The following RABGEF1 variants were observed in gnomAD, a reference collection of about 807,000 sequenced individuals.
The protein encoded by RABGEF1 is RAB guanine nucleotide exchange factor 1.
Under a neutral mutation model 57.3 loss-of-function variants are expected in RABGEF1, and 26 were observed. That is an observed-to-expected ratio of 0.45 (90% CI 0.33 to 0.63). The LOEUF is 0.63. RABGEF1 is among the 20% of genes least tolerant of loss of function. The pLI is 0.02. For synonymous variants in RABGEF1, 185 were observed against 210.7 expected (o/e 0.88, Z 1.06); for missense variants, 464 against 607.6 (o/e 0.76, Z 2.48).
At chr7:66,659,512 G>A in the RABGEF1 span, among the ~76,000 whole-genome samples, 1 of 151,670 alleles carries the variant, frequency 6.6e-6, no homozygotes, top group Non-Finnish European at 1.5e-5. Flanking sequence ...GGCCGCAGTG[G>A]CTCAGGCGGG....
Position 66,809,037 on chromosome 7 carries a change from T to G in RABGEF1, c.1229T>G (p.Met410Arg). ...SPDACLGVKQ[M>R]YKNLDLLSQL... ...GATGCTTGCTTAGGCGTCAAGCAAA[T>G]GTATAAGAACTTGGATCTCTTGTCT... Residue 410 changes from methionine (M) to arginine (R), a missense_variant, in exon 9 of 9, where the codon ATG becomes AGG. Transcript: ENST00000284957. 1 of 1,614,092 alleles carries G rather than the reference T, an allele frequency of 6.2e-7. No homozygotes were observed. The highest frequency in any genetic ancestry group is 1.1e-5 in the South Asian group (1 of 91,074).
In RABGEF1 at chr7:66,757,547, A is replaced by G. The variant is rs143642606; in HGVS notation, c.-17-14336A>G. Among the ~76,000 whole-genome samples the G allele has an allele frequency of 1.1e-4, 16 of 152,348 alleles. No homozygotes were observed. The East Asian group carries it at 2.9e-3, about 28-fold the overall frequency. On this transcript the variant is annotated intron_variant, in intron 1 of 8. Coordinates refer to ENST00000284957, the MANE Select transcript of RABGEF1 (RefSeq NM_014504.3). ...AATCAATCAGTATATAAATATTTGAATGAATGCAGAGGGAACACTATAGGA... is the reference window on the plus strand; with the variant it reads ...AATCAATCAGTATATAAATATTTGAGTGAATGCAGAGGGAACACTATAGGA...
chr7:66,771,034 C>T (rs1299496018), intron 1 of RABGEF1, among the ~76,000 whole-genome samples: 2 of 152,076 alleles, frequency 1.3e-5, no homozygotes, highest in Non-Finnish European at 2.9e-5. Context: ...TAGATATTAA[C>T]CCCTTATTAG....
chr7:66,664,870 C>T, the RABGEF1 span, among the ~76,000 whole-genome samples: 4 of 152,236 alleles, frequency 2.6e-5, no homozygotes, highest in African/African-American at 2.4e-5. Context: ...GTCTACTGCA[C>T]GAGCATGTGT....
At chr7:66,798,682 G>A (rs1786601106) in intron 6 of RABGEF1, among the ~76,000 whole-genome samples, 2 of 152,176 alleles carry the variant, frequency 1.3e-5, no homozygotes, top group Non-Finnish European at 2.9e-5. Context: ...TGAGGGTTGA[G>A]GCCAGGTGTG....
chr7:66,764,857 A>G (rs1477051177), intron 1 of RABGEF1, among the ~76,000 whole-genome samples: 1 of 152,208 alleles, frequency 6.6e-6, no homozygotes. Flanking sequence ...TGTAGTAATT[A>G]CCATGGCTTT....
Position 66,811,011 on chromosome 7 carries a change from CT to C in RABGEF1, c.*1729del, listed in dbSNP as rs1789375706. On this transcript the variant is annotated 3_prime_UTR_variant, in exon 9 of 9. Coordinates refer to ENST00000284957, the MANE Select transcript of RABGEF1 (RefSeq NM_014504.3). Reference sequence around the variant, plus strand: ...ACTATCAAATGCCAGTGAGAATCTTCTTATAGAATAACCTGGGCCCAAGTGA... The same window carrying C: ...ACTATCAAATGCCAGTGAGAATCTTCTATAGAATAACCTGGGCCCAAGTGA... The C allele has an allele frequency of 6.6e-6, 1 of 152,218 alleles. No homozygotes were observed. The highest frequency in any genetic ancestry group is 2.1e-4 in the South Asian group (1 of 4,830). The allele number at this position is 152,218 out of a possible 1,614,324, so 9.4% of individuals were successfully genotyped here.
chr7:66,717,806 C>T (rs1359020425), intron 2 of RABGEF1, among the ~76,000 whole-genome samples: 4 of 152,026 alleles, frequency 2.6e-5, no homozygotes, highest in East Asian at 1.9e-4. Context: ...GTGATCCACT[C>T]GCCTTGGCCT....
the RABGEF1 span, among the ~76,000 whole-genome samples, chr7:66,664,545 A>G: frequency 6.6e-6 from 1 of 151,994 alleles, no homozygotes; most frequent in African/African-American, 2.4e-5. Flanking sequence ...TTGAGGCTGC[A>G]GTGAGCCATG....
At chr7:66,749,627 A>C (rs1051025162) in intron 1 of RABGEF1, among the ~76,000 whole-genome samples, 1 of 151,996 alleles carries the variant, frequency 6.6e-6, no homozygotes, top group Non-Finnish European at 1.5e-5. Context: ...TGTGTCTGTA[A>C]ATAGCCACTA....
chr7:66,759,772 T>G (rs928051811), intron 1 of RABGEF1, among the ~76,000 whole-genome samples: 17 of 152,154 alleles, frequency 1.1e-4, no homozygotes, highest in African/African-American at 4.1e-4. Context: ...CATTCATGAT[T>G]AACTGCCCCA....
upstream of RABGEF1, among the ~76,000 whole-genome samples, chr7:66,736,523 G>T (rs1797961134): frequency 6.6e-6 from 1 of 152,140 alleles, no homozygotes; most frequent in Non-Finnish European, 1.5e-5. Context: ...AAAGGACACT[G>T]AAGGCTTGAG....
intron 1 of RABGEF1, among the ~76,000 whole-genome samples, chr7:66,767,747 T>C (rs933453295): frequency 1.3e-5 from 2 of 152,220 alleles, no homozygotes; most frequent in African/African-American, 4.8e-5. Flanking sequence ...GGTATCTTCA[T>C]TGAACCACCA....
At chr7:66,788,578 A>T (rs771410123) in intron 4 of RABGEF1, among the ~76,000 whole-genome samples, 25 of 152,132 alleles carry the variant, frequency 1.6e-4, no homozygotes, top group Non-Finnish European at 3.2e-4. Context: ...TTTCTAAAAG[A>T]CTTCTTAATA....
rs543088695 is a variant in RABGEF1, at chr7:66,805,512, T to G, written c.1077+116T>G. 4.7e-5 allele frequency: 68 copies of G among 1,460,496 alleles called. 1 individual carries two copies. Among genetic ancestry groups the G allele is most frequent in the Non-Finnish European group, 6.0e-5 (65 of 1,076,028 alleles). 90.5% of individuals were successfully genotyped at this position (1,460,496 alleles called of 1,614,324 possible). A position where few individuals can be genotyped will look rare whatever the true frequency, so the allele number is the denominator to read the frequency against. ...AATGCTTCTGTGTGAGAAGGCAGCATGGCTGAGGAAGCTCACTTTGCATCA... is the reference window on the plus strand; with the variant it reads ...AATGCTTCTGTGTGAGAAGGCAGCAGGGCTGAGGAAGCTCACTTTGCATCA... On this transcript the variant is annotated intron_variant, in intron 8 of 8. Transcript: ENST00000284957.
chr7:66,801,899 TTTAGTTAG>T (rs773330945), intron 7 of RABGEF1, among the ~76,000 whole-genome samples: 1 of 151,918 alleles, frequency 6.6e-6, no homozygotes, highest in African/African-American at 2.4e-5. Context: ...GACTTATTTA[TTTAGTTAG>T]TTAGTTAGTT....
intron 1 of RABGEF1, among the ~76,000 whole-genome samples, chr7:66,697,012 C>T (rs1792447265): frequency 6.6e-6 from 1 of 152,166 alleles, no homozygotes; most frequent in African/African-American, 2.4e-5. Context: ...AGAGAGAGGA[C>T]TGCAGAAGGA....
chr7:66,677,180 A>T (rs1358144827), upstream of RABGEF1, among the ~76,000 whole-genome samples: 1 of 152,206 alleles, frequency 6.6e-6, no homozygotes, highest in African/African-American at 2.4e-5. Context: ...TACAAATCTA[A>T]TTTAAAAATT....
At chr7:66,670,734 T>A in the RABGEF1 span, among the ~76,000 whole-genome samples, 4 of 151,960 alleles carry the variant, frequency 2.6e-5, no homozygotes, top group Non-Finnish European at 5.9e-5. Flanking sequence ...TAATCCCAGC[T>A]ACTCAGGAAG....
Sources: gnomAD v4.1 joint callset for allele counts (sites outside exome capture counted in the v4.1 genomes callset) on GRCh38, gnomAD v4.1.1 for gene constraint, MANE v1.5 for transcripts, NCBI Gene and HGNC (gene_info 2026-07-23, HGNC 2026-07-21) for gene names.